Variants in ZNF664 observed in about 807,000 individuals in gnomAD.
ZNF664 encodes zinc finger protein 664, also known as zinc finger Organ of Corti 1.
In ZNF664, 10 loss-of-function variants were observed where a neutral mutation model predicts 18.2. The observed-to-expected ratio is 0.55, with a 90% confidence interval of 0.34 to 0.93. The LOEUF (loss-of-function observed/expected upper bound fraction) is 0.93, where lower values mean the gene tolerates loss of function less well. Among genes scored for constraint, ZNF664 ranks in the 40% least tolerant of loss-of-function variants. The probability of loss-of-function intolerance (pLI) is 0.02; values close to 1 mark genes in which losing one functional copy is unlikely to be tolerated. For missense variants in ZNF664, 193 were observed against 319.0 expected (o/e 0.61, Z 3.01); for synonymous variants, 119 against 104.2 (o/e 1.14, Z -0.86).
chr12:123,997,703 G>T (rs1336322207), intron 3 of ZNF664: 1 of 152,126 alleles, frequency 6.6e-6, no homozygotes, highest in Non-Finnish European at 1.5e-5. Context: ...TCCAAATAAG[G>T]TCACATCCTG....
intron 1 of ZNF664, 150 bp from the exon 2 acceptor site, chr12:123,973,736 G>A: frequency 8.3e-7 from 1 of 1,206,308 alleles, no homozygotes; most frequent in Non-Finnish European, 1.0e-6. Context: ...CGAGGGAAGG[G>A]GGAGCGCTGC....
At position 124,012,514 on chromosome 12, in the gene ZNF664, T is replaced by C. The variant is rs767054021; in HGVS notation, c.370T>C (p.Phe124Leu). The change falls in exon 5 of 5, where the codon TTT becomes CTT. Residue 124 changes from phenylalanine (F) to leucine (L), a missense_variant. This residue lies in a region of ZNF664 where 61 missense variants were observed against 153.7 expected (regional missense o/e 0.40). Coordinates refer to ENST00000337815, the MANE Select transcript of ZNF664 (RefSeq NM_152437.3). ...PYVCSECGRG[F>L]SNSSNLCMHQ... Reference sequence around the variant, plus strand: ...TGTCTGTAGTGAGTGTGGAAGGGGCTTTAGTAATAGTTCAAACCTTTGCAT... The same window carrying C: ...TGTCTGTAGTGAGTGTGGAAGGGGCCTTAGTAATAGTTCAAACCTTTGCAT... 1 of 1,614,190 alleles carries C rather than the reference T, an allele frequency of 6.2e-7. No homozygotes were observed. The highest frequency in any genetic ancestry group is 8.5e-7 in the Non-Finnish European group (1 of 1,180,048).
At position 123,987,998 on chromosome 12, in the gene ZNF664, C is replaced by A. The variant is rs183364350; in HGVS notation, c.-756-45C>A. ...TGAAAACATTTTGTGATCCTAAATTCTCTATAAATAAACCCATTTTTCTCT... is the reference window on the plus strand; with the variant it reads ...TGAAAACATTTTGTGATCCTAAATTATCTATAAATAAACCCATTTTTCTCT... On this transcript the variant is annotated intron_variant, in intron 2 of 4. Transcript: ENST00000337815. 251 of 1,231,076 alleles carry A rather than the reference C, an allele frequency of 2.0e-4. 1 individual carries two copies. In the African/African-American group the frequency reaches 3.2e-3, roughly 16 times the overall value. 76.3% of individuals were successfully genotyped at this position (1,231,076 alleles called of 1,614,324 possible).
rs1180314927 is a variant in ZNF664, at chr12:123,974,016, C to T, written c.-761C>T. The T allele has an allele frequency of 1.6e-6, 2 of 1,231,812 alleles. No individual in the cohort carries two copies. Among genetic ancestry groups the T allele is most frequent in the African/African-American group, 3.1e-5 (2 of 64,442 alleles). 76.3% of individuals were successfully genotyped at this position (1,231,812 alleles called of 1,614,324 possible). Reference sequence around the variant, plus strand: ...GACCACAACAAGGGCCGGATTCTCACCCAGGTAAACCGGCTGCCGGCGCTG... The same window carrying T: ...GACCACAACAAGGGCCGGATTCTCATCCAGGTAAACCGGCTGCCGGCGCTG... On this transcript the variant is annotated 5_prime_UTR_variant, in exon 2 of 5. Transcript: ENST00000337815.
chr12:124,011,166 C>T (rs1957132398), intron 3 of ZNF664: 2 of 363,432 alleles, frequency 5.5e-6, no homozygotes, highest in Non-Finnish European at 7.6e-6. Context: ...AATGTTGTAC[C>T]TTCTGAAGTT....
At chr12:123,980,711 C>T (rs1041877726) in intron 2 of ZNF664, among the ~76,000 whole-genome samples, 1 of 152,076 alleles carries the variant, frequency 6.6e-6, no homozygotes, top group African/African-American at 2.4e-5. Flanking sequence ...CAAAAAAAGT[C>T]CCAGCAGCCT....
At chr12:123,973,641 C>A (rs1956630348) in intron 1 of ZNF664, 1 of 567,654 alleles carries the variant, frequency 1.8e-6, no homozygotes, top group Non-Finnish European at 2.3e-6. Flanking sequence ...CCGGTGCGAG[C>A]GAGGGCTGGG....
At chr12:124,001,607 T>A (rs1442753516) in intron 3 of ZNF664, among the ~76,000 whole-genome samples, 2 of 152,294 alleles carry the variant, frequency 1.3e-5, no homozygotes, top group Non-Finnish European at 1.5e-5. Flanking sequence ...CAAAGTGGTC[T>A]CCCCTGACCT....
rs1334285881 is a variant in ZNF664 at position 123,997,111 on chromosome 12, GAAATCTGC to G, written c.-661+8976_-661+8983del. 6.6e-5 allele frequency among the ~76,000 whole-genome samples: 10 copies of G among 152,322 alleles called. No homozygotes were observed. In the East Asian group the frequency reaches 1.5e-3, roughly 23 times the overall value. Reference sequence around the variant, plus strand: ...ATCTCTTAAGTAAAAATATTTAAGTGAAATCTGCAACTTCTTTTTTTGGACGTGATTAA... The same window carrying G: ...ATCTCTTAAGTAAAAATATTTAAGTGAACTTCTTTTTTTGGACGTGATTAA... On this transcript the variant is annotated intron_variant, in intron 3 of 4. Transcript: ENST00000337815.
chr12:123,994,098 T>C (rs531365681), intron 3 of ZNF664, among the ~76,000 whole-genome samples: 49 of 152,288 alleles, frequency 3.2e-4, no homozygotes, highest in Non-Finnish European at 5.7e-4. Flanking sequence ...CAGAATTATT[T>C]TGGAGGACTT....
chr12:124,015,037 G>A lies in ZNF664; in HGVS notation c.*2107G>A, dbSNP rs76694118. The A allele has an allele frequency of 0.013, 2,257 of 167,206 alleles. 24 individuals carry two copies. Among genetic ancestry groups the A allele is most frequent in the Non-Finnish European group, 0.018 (1,245 of 68,100 alleles). The allele number at this position is 167,206 out of a possible 1,614,324, so 10.4% of individuals were successfully genotyped here. On this transcript the variant is annotated 3_prime_UTR_variant, in exon 5 of 5. Coordinates refer to ENST00000337815, the MANE Select transcript of ZNF664 (RefSeq NM_152437.3). ...TATCACTCTTTCATGTCACAATAGCGTGGAGCATTAGAGAAAAGCCTAGAC... is the reference window on the plus strand; with the variant it reads ...TATCACTCTTTCATGTCACAATAGCATGGAGCATTAGAGAAAAGCCTAGAC...
chr12:123,995,955 A>G (rs1414021141), intron 3 of ZNF664, among the ~76,000 whole-genome samples: 1 of 152,132 alleles, frequency 6.6e-6, no homozygotes, highest in Non-Finnish European at 1.5e-5. Context: ...ACCCTGATTT[A>G]TCAGCCCATT....
chr12:124,006,753 T>A (rs921740232), intron 3 of ZNF664, among the ~76,000 whole-genome samples: 16 of 152,210 alleles, frequency 1.1e-4, no homozygotes, highest in African/African-American at 3.6e-4. Context: ...GTGAGTCGAG[T>A]GCACAGGATG....
chr12:124,014,150 A>G lies in ZNF664; in HGVS notation c.*1220A>G, dbSNP rs1957165007. 1 of 162,080 alleles carries G rather than the reference A, an allele frequency of 6.2e-6. No homozygotes were observed. Among genetic ancestry groups the G allele is most frequent in the South Asian group, 2.3e-4 (1 of 4,300 alleles). The allele number at this position is 162,080 out of a possible 1,614,324, so 10.0% of individuals were successfully genotyped here. A position where few individuals can be genotyped will look rare whatever the true frequency, so the allele number is the denominator to read the frequency against. On this transcript the variant is annotated 3_prime_UTR_variant, in exon 5 of 5. Coordinates refer to ENST00000337815, the MANE Select transcript of ZNF664 (RefSeq NM_152437.3). ...AGTGATTAAGTGCTATGAAGAAAAT[A>G]AACTAGGGTGATGATTTTAGTGGTG... is the stretch of plus-strand genomic sequence containing the variant.
At chr12:123,994,161 C>T (rs988399412) in intron 3 of ZNF664, among the ~76,000 whole-genome samples, 4 of 151,854 alleles carry the variant, frequency 2.6e-5, no homozygotes, top group Non-Finnish European at 2.9e-5. Flanking sequence ...ATGGAAATTA[C>T]TCACTACACA....
intron 1 of ZNF664, 141 bp downstream of exon 1, chr12:123,973,493 C>T: frequency 2.1e-6 from 1 of 485,664 alleles, no homozygotes; most frequent in Non-Finnish European, 2.7e-6. Context: ...GGAGGATGGG[C>T]CTCGGGATGG....
chr12:123,977,454 A>G (rs1402184745), intron 2 of ZNF664, among the ~76,000 whole-genome samples: 1 of 124,744 alleles, frequency 8.0e-6, no homozygotes, highest in African/African-American at 3.3e-5. Context: ...ACTAGAACCT[A>G]AAATGGCCAA....
At chr12:123,973,776 G>C in intron 1 of ZNF664, 110 bp from the exon 2 acceptor site, 1 of 1,220,752 alleles carries the variant, frequency 8.2e-7, no homozygotes, top group South Asian at 4.3e-5. Context: ...GCCGCGTCTT[G>C]GAGCCCTTCC....
At chr12:123,988,928 A>G (rs1434537065) in intron 3 of ZNF664, among the ~76,000 whole-genome samples, 2 of 152,172 alleles carry the variant, frequency 1.3e-5, no homozygotes, top group African/African-American at 2.4e-5. Context: ...TGTTATTTCC[A>G]TGCATAGCTG....
Sources: gnomAD v4.1 joint callset for allele counts (sites outside exome capture counted in the v4.1 genomes callset) on GRCh38, gnomAD v4.1.1 for gene constraint, gnomAD v4.1.1 regional missense constraint, MANE v1.5 for transcripts, NCBI Gene and HGNC (gene_info 2026-07-23, HGNC 2026-07-21) for gene names.